DRC8: variants seen among roughly 807,000 people sequenced by gnomAD.
DRC8 encodes the protein dynein regulatory complex subunit 8, also known as dynein regulatory complex protein 8.
At chr1:245,006,856 C>G in the DRC8 span, among the ~76,000 whole-genome samples, 2 of 152,006 alleles carry the variant, frequency 1.3e-5, no homozygotes, top group Non-Finnish European at 2.9e-5. Context: ...ATCGCTTGAA[C>G]CCAGGAGGTG....
At chr1:245,110,368 A>G in the DRC8 span, among the ~76,000 whole-genome samples, 1 of 148,214 alleles carries the variant, frequency 6.7e-6, no homozygotes, top group Non-Finnish European at 1.5e-5. Flanking sequence ...TGGGCGACAG[A>G]ATGAGGTTCC....
the DRC8 span, among the ~76,000 whole-genome samples, chr1:245,001,676 C>T: frequency 9.8e-5 from 15 of 152,288 alleles, no homozygotes; most frequent in South Asian, 2.7e-3. Context: ...TCATCAGATA[C>T]ACATATTGTG....
chr1:245,119,525 A>G, the DRC8 span, among the ~76,000 whole-genome samples: 1 of 152,086 alleles, frequency 6.6e-6, no homozygotes, highest in Non-Finnish European at 1.5e-5. Context: ...GTAACTGGGC[A>G]TGGTGATGCA....
chr1:245,116,704 A>T, the DRC8 span, among the ~76,000 whole-genome samples: 1 of 152,226 alleles, frequency 6.6e-6, no homozygotes, highest in Non-Finnish European at 1.5e-5. Context: ...CCTATTTTTT[A>T]TCTTAAACTA....
At chr1:245,084,282 A>G in the DRC8 span, among the ~76,000 whole-genome samples, 1 of 151,954 alleles carries the variant, frequency 6.6e-6, no homozygotes, top group Non-Finnish European at 1.5e-5. Context: ...GGGTTTCACC[A>G]TGTTGGCCAG....
At chr1:245,014,514 A>C in the DRC8 span, among the ~76,000 whole-genome samples, 1 of 152,232 alleles carries the variant, frequency 6.6e-6, no homozygotes, top group Admixed American at 6.5e-5. Flanking sequence ...TCAATAAATT[A>C]TGGTGTATTA....
At chr1:245,098,485 T>C in the DRC8 span, among the ~76,000 whole-genome samples, 1 of 152,068 alleles carries the variant, frequency 6.6e-6, no homozygotes, top group Non-Finnish European at 1.5e-5. Flanking sequence ...AAGGCAAACA[T>C]AGTATCAGGG....
the DRC8 span, among the ~76,000 whole-genome samples, chr1:245,105,481 T>C: frequency 1.3e-5 from 2 of 151,764 alleles, no homozygotes; most frequent in Non-Finnish European, 2.9e-5. Flanking sequence ...TAGCCAGGCA[T>C]GGTGGTGTGT....
chr1:245,118,705 C>T, the DRC8 span, among the ~76,000 whole-genome samples: 1 of 151,832 alleles, frequency 6.6e-6, no homozygotes, highest in East Asian at 1.9e-4. Flanking sequence ...GCAGGAGAAT[C>T]GCTTGAGCCC....
At chr1:245,098,445 T>C in the DRC8 span, among the ~76,000 whole-genome samples, 1 of 151,738 alleles carries the variant, frequency 6.6e-6, no homozygotes, top group South Asian at 2.1e-4. Context: ...AAGTTAGAGA[T>C]AGGGAAGGAG....
the DRC8 span, among the ~76,000 whole-genome samples, chr1:245,067,847 T>C: frequency 1.3e-5 from 2 of 152,212 alleles, no homozygotes; most frequent in Non-Finnish European, 2.9e-5. Context: ...TTTGAAGTAG[T>C]TGGTGATATG....
chr1:245,087,130 G>GT, the DRC8 span: 1 of 1,453,858 alleles, frequency 6.9e-7, no homozygotes. Flanking sequence ...TCCAGGGAGC[G>GT]TAACTAGTGG....
At chr1:245,015,965 C>CTTTTT in the DRC8 span, among the ~76,000 whole-genome samples, 567 of 57,170 alleles carry the variant, frequency 9.9e-3, 29 homozygotes, top group Middle Eastern at 0.015. Context: ...GCCTACAGGG[C>CTTTTT]TTTTTTTTTT....
the DRC8 span, among the ~76,000 whole-genome samples, chr1:245,116,415 A>C: frequency 2.4e-3 from 365 of 152,204 alleles, 2 homozygotes; most frequent in African/African-American, 7.9e-3. Flanking sequence ...CAAAACAAAA[A>C]AAACTTTGGC....
At chr1:245,121,590 A>T in the DRC8 span, among the ~76,000 whole-genome samples, 59,336 of 152,154 alleles carry the variant, frequency 0.39, 12,944 homozygotes, top group East Asian at 0.65. Context: ...TCCCTGTTGG[A>T]ACCATCACTG....
chr1:245,072,076 T>G, the DRC8 span, among the ~76,000 whole-genome samples: 3 of 152,156 alleles, frequency 2.0e-5, no homozygotes, highest in African/African-American at 7.2e-5. Context: ...CTCCTTTTAT[T>G]TATGCAAAGG....
At chr1:245,055,752 G>A in the DRC8 span, among the ~76,000 whole-genome samples, 51,900 of 152,066 alleles carry the variant, frequency 0.34, 9,186 homozygotes, top group Middle Eastern at 0.4. Flanking sequence ...TGACTCCTTC[G>A]AACTCTCTCT....
chr1:245,100,881 G>T, the DRC8 span, among the ~76,000 whole-genome samples: 1 of 151,904 alleles, frequency 6.6e-6, no homozygotes, highest in South Asian at 2.1e-4. Context: ...GCTAACATGG[G>T]TTTTTTGTTT....
the DRC8 span, among the ~76,000 whole-genome samples, chr1:245,046,371 C>T: frequency 2.6e-5 from 4 of 151,728 alleles, no homozygotes; most frequent in Non-Finnish European, 5.9e-5. Context: ...TCATATTTTC[C>T]TGACCTGTGC....
Sources: allele counts gnomAD v4.1 joint callset (sites outside exome capture counted in the v4.1 genomes callset), GRCh38; gene constraint gnomAD v4.1.1; transcripts MANE v1.5; gene names NCBI Gene and HGNC (gene_info 2026-07-23, HGNC 2026-07-21).